Variants in RAB22A observed in about 807,000 individuals in gnomAD.
RAB22A encodes ras-related protein Rab-22A.
RAB22A carries 13 observed loss-of-function variants against 30.2 expected under a neutral mutation model. The observed-to-expected ratio is 0.43, with a 90% CI of 0.28 to 0.68. RAB22A has a LOEUF of 0.68. Ranked by LOEUF, RAB22A falls within the 30% of genes least tolerant of loss-of-function variation. The pLI, the probability that RAB22A is intolerant of heterozygous loss-of-function variation, is 0.18. For missense variants in RAB22A, 177 were observed against 246.8 expected, an observed-to-expected ratio of 0.72 and a Z score of 1.89; for synonymous variants, 89 against 87.2, an observed-to-expected ratio of 1.02 and a Z score of -0.11.
In RAB22A at chr20:58,343,903, G is replaced by A. The variant is rs867844614; in HGVS notation, c.198+104G>A. 9 of 927,134 alleles carry A rather than the reference G, an allele frequency of 9.7e-6. No individual in the cohort carries two copies. The Middle Eastern group carries it at 1.4e-3, about 142-fold the overall frequency. 57.4% of individuals were successfully genotyped at this position (927,134 alleles called of 1,614,324 possible). On this transcript the variant is annotated intron_variant, in intron 3 of 6. Coordinates refer to ENST00000244040, the MANE Select transcript of RAB22A (RefSeq NM_020673.3). ...CTCACGTTACTCACTTCTCTTCTGT[G>A]CACCGGAGACACATTTATTTCCATT... is the stretch of plus-strand genomic sequence containing the variant.
chr20:58,310,410 A>G (rs1400886256), intron 1 of RAB22A, among the ~76,000 whole-genome samples: 1 of 152,230 alleles, frequency 6.6e-6, no homozygotes, highest in Non-Finnish European at 1.5e-5. Context: ...TACAAGCAGC[A>G]TTAGCCTACT....
chr20:58,357,098 G>A (rs951298391), intron 6 of RAB22A, among the ~76,000 whole-genome samples: 1 of 152,166 alleles, frequency 6.6e-6, no homozygotes, highest in Non-Finnish European at 1.5e-5. Flanking sequence ...CCGCCAACCA[G>A]TTTTCAAAGT....
chr20:58,358,798 G>A (rs1987175839), intron 6 of RAB22A, among the ~76,000 whole-genome samples: 1 of 152,050 alleles, frequency 6.6e-6, no homozygotes, highest in Admixed American at 6.6e-5. Flanking sequence ...GGGAGGCTGA[G>A]GTGGGAGAAT....
At chr20:58,316,987 T>C (rs1039523424) in intron 2 of RAB22A, among the ~76,000 whole-genome samples, 2 of 152,242 alleles carry the variant, frequency 1.3e-5, no homozygotes, top group African/African-American at 4.8e-5. Context: ...ATTGCTGTTA[T>C]ATGACTTCTA....
chr20:58,323,073 T>G (rs763629835), intron 2 of RAB22A, among the ~76,000 whole-genome samples: 8 of 152,186 alleles, frequency 5.3e-5, no homozygotes, highest in Non-Finnish European at 8.8e-5. Flanking sequence ...AATGGTATCT[T>G]TATAATACTG....
intron 2 of RAB22A, among the ~76,000 whole-genome samples, chr20:58,325,198 G>A (rs919085450): frequency 6.7e-6 from 1 of 150,200 alleles, no homozygotes. Context: ...AAAACTTTAG[G>A]CTAGGCGCAG....
In RAB22A at chr20:58,323,463, T is replaced by C. The variant is rs139865994; in HGVS notation, c.116+12341T>C. 3.9e-3 allele frequency among the ~76,000 whole-genome samples: 595 copies of C among 152,146 alleles called. 4 individuals carry two copies. The highest frequency in any genetic ancestry group is 0.014 in the African/African-American group (572 of 41,512). On this transcript the variant is annotated intron_variant, in intron 2 of 6. Coordinates refer to ENST00000244040, the MANE Select transcript of RAB22A (RefSeq NM_020673.3). ...TCTAATTCTTAAACATTTTACTTATTCTATGAGATCAGGTAGGATCTCTAG... is the reference window on the plus strand; with the variant it reads ...TCTAATTCTTAAACATTTTACTTATCCTATGAGATCAGGTAGGATCTCTAG...
rs1250768813 is a variant in RAB22A, at chr20:58,343,578, T to G, written c.117-140T>G. On this transcript the variant is annotated intron_variant, in intron 2 of 6. Coordinates refer to ENST00000244040, the MANE Select transcript of RAB22A (RefSeq NM_020673.3). ...ACTCAGCATCTGAGCATCCCATAAA[T>G]ACTCCAGAGAGGAACACAATTAGGA... The G allele has an allele frequency of 6.6e-6, 4 of 601,802 alleles. No homozygotes were observed. The Middle Eastern group carries it at 9.6e-4, about 145-fold the overall frequency. The allele number at this position is 601,802 out of a possible 1,614,324, so 37.3% of individuals were successfully genotyped here.
intron 3 of RAB22A, among the ~76,000 whole-genome samples, chr20:58,351,606 G>A (rs1480771398): frequency 6.6e-6 from 1 of 152,222 alleles, no homozygotes; most frequent in Admixed American, 6.5e-5. Context: ...CTGAAGTCGG[G>A]ATTTCAAGAC....
intron 2 of RAB22A, among the ~76,000 whole-genome samples, chr20:58,324,363 A>C (rs1310027245): frequency 6.6e-6 from 1 of 152,060 alleles, no homozygotes; most frequent in East Asian, 1.9e-4. Flanking sequence ...ATTGACATAA[A>C]GATGTTAAGA....
intron 3 of RAB22A, among the ~76,000 whole-genome samples, chr20:58,346,476 T>A (rs897853079): frequency 6.6e-6 from 1 of 152,206 alleles, no homozygotes; most frequent in African/African-American, 2.4e-5. Flanking sequence ...CAAAACTCTC[T>A]GTTCCCTCCA....
intron 2 of RAB22A, among the ~76,000 whole-genome samples, chr20:58,326,890 T>TC (rs201201195): frequency 0.014 from 2,135 of 152,338 alleles, 20 homozygotes; most frequent in Non-Finnish European, 0.02. Flanking sequence ...CCTTACCTTT[T>TC]CCCAATGTTA....
intron 2 of RAB22A, among the ~76,000 whole-genome samples, chr20:58,330,584 T>A (rs1986645961): frequency 6.6e-6 from 1 of 152,242 alleles, no homozygotes; most frequent in Non-Finnish European, 1.5e-5. Flanking sequence ...TGTTTTGTTT[T>A]AACAGAATGT....
chr20:58,319,187 G>A (rs1341625847), intron 2 of RAB22A, among the ~76,000 whole-genome samples: 3 of 151,868 alleles, frequency 2.0e-5, no homozygotes, highest in African/African-American at 7.3e-5. Context: ...AAGTAAACGA[G>A]TAGAAACAGA....
chr20:58,323,374 AT>A (rs1159791702), intron 2 of RAB22A, among the ~76,000 whole-genome samples: 1 of 152,022 alleles, frequency 6.6e-6, no homozygotes, highest in African/African-American at 2.4e-5. Flanking sequence ...ATCTCTATAC[AT>A]TATTTTTTTG....
intron 2 of RAB22A, among the ~76,000 whole-genome samples, chr20:58,312,279 CTTTT>C (rs200841573): frequency 2.2e-5 from 3 of 134,308 alleles, no homozygotes; most frequent in African/African-American, 2.7e-5. Context: ...TTTTTGTCTG[CTTTT>C]TTTTTTTTTT....
intron 2 of RAB22A, among the ~76,000 whole-genome samples, chr20:58,332,934 A>G (rs1219685259): frequency 6.6e-6 from 1 of 152,112 alleles, no homozygotes; most frequent in East Asian, 1.9e-4. Context: ...TTCAGCACAA[A>G]CAGTGGAGGT....
rs918908450 is a variant in RAB22A at position 58,361,703 on chromosome 20, A to G, written c.*2000A>G. The G allele has an allele frequency of 6.6e-6, 1 of 152,218 alleles. No homozygotes were observed. The highest frequency in any genetic ancestry group is 2.4e-5 in the African/African-American group (1 of 41,446). The allele number at this position is 152,218 out of a possible 1,614,324, so 9.4% of individuals were successfully genotyped here. On this transcript the variant is annotated 3_prime_UTR_variant, in exon 7 of 7. Transcript: ENST00000244040. The stretch of plus-strand genomic sequence containing the variant: ...GCCTCTATCTCCATGACAACAAAAT[A>G]AAAACAGAGGTTGCTTGACTCATTA...
chr20:58,354,446 G>T (rs1169743878), intron 6 of RAB22A, among the ~76,000 whole-genome samples, 181 bp downstream of exon 6: 1 of 152,180 alleles, frequency 6.6e-6, no homozygotes, highest in Non-Finnish European at 1.5e-5. Context: ...AGTTGCTGAA[G>T]AGCTGCCGCC....
Sources: allele counts gnomAD v4.1 joint callset (sites outside exome capture counted in the v4.1 genomes callset), GRCh38; gene constraint gnomAD v4.1.1; transcripts MANE v1.5; gene names NCBI Gene and HGNC (gene_info 2026-07-23, HGNC 2026-07-21).